Variants in COMMD10 observed in about 807,000 individuals in gnomAD.
COMMD10 encodes the protein COMM domain-containing protein 10.
A neutral mutation model predicts 28.9 loss-of-function variants in COMMD10; 33 were observed. That is an observed-to-expected ratio of 1.14 (90% CI 0.87 to 1.53). COMMD10 has a LOEUF of 1.53. COMMD10 is among the 40% of genes most tolerant of loss of function. The probability of loss-of-function intolerance (pLI) is 0.00; values close to 1 mark genes in which losing one functional copy is unlikely to be tolerated. For missense variants in COMMD10, 310 were observed against 233.4 expected, an observed-to-expected ratio of 1.33 and a Z score of -2.14; for synonymous variants, 110 against 81.7, an observed-to-expected ratio of 1.35 and a Z score of -1.87.
At chr5:116,268,376 A>G (rs1251463862) in intron 5 of COMMD10, among the ~76,000 whole-genome samples, 2 of 151,954 alleles carry the variant, frequency 1.3e-5, no homozygotes, top group Non-Finnish European at 2.9e-5. Flanking sequence ...GCCATCAGAC[A>G]AATGCAAATC....
At chr5:116,134,649 G>T (rs970599760) in intron 5 of COMMD10, among the ~76,000 whole-genome samples, 1 of 152,166 alleles carries the variant, frequency 6.6e-6, no homozygotes, top group East Asian at 1.9e-4. Flanking sequence ...TTGAGACGGT[G>T]TCTTGCTGTC....
rs77982389 is a variant in COMMD10, at chr5:116,177,074, G to A, written c.510+42896G>A. 6.9e-3 allele frequency among the ~76,000 whole-genome samples: 1,046 copies of A among 152,198 alleles called. 2 individuals are homozygous for A. Among genetic ancestry groups the A allele is most frequent in the East Asian group, 0.012 (63 of 5,162 alleles). On this transcript the variant is annotated intron_variant, in intron 5 of 6. Coordinates refer to ENST00000274458, the MANE Select transcript of COMMD10 (RefSeq NM_016144.4). The stretch of plus-strand genomic sequence containing the variant: ...TGCAGTCAAGCTGAGGCTCCTGGAT[G>A]GGCTTGCAAAGGTAGTCACAGTGCC...
chr5:116,184,867 G>A (rs950333759), intron 5 of COMMD10, among the ~76,000 whole-genome samples: 2 of 151,982 alleles, frequency 1.3e-5, no homozygotes, highest in African/African-American at 4.8e-5. Context: ...ATCGATTTTG[G>A]GGCTTTTAAA....
At chr5:116,114,018 G>A (rs1428164967) in intron 4 of COMMD10, among the ~76,000 whole-genome samples, 2 of 151,942 alleles carry the variant, frequency 1.3e-5, no homozygotes, top group Admixed American at 6.6e-5. Context: ...GCGCATTGGT[G>A]AATACTTTAT....
rs541613411 is a variant in COMMD10 at position 116,123,605 on chromosome 5, C to T, written c.400-10463C>T. ...TCATAAAATGAGTTAGGGAGGATTC[C>T]CTCTTTTTCTGTTGTTTGGAATAGT... On this transcript the variant is annotated intron_variant, in intron 4 of 6. Coordinates refer to ENST00000274458, the MANE Select transcript of COMMD10 (RefSeq NM_016144.4). 1.4e-4 allele frequency among the ~76,000 whole-genome samples: 21 copies of T among 152,136 alleles called. No homozygotes were observed. The South Asian group carries it at 4.2e-3, about 30-fold the overall frequency.
chr5:116,279,264 C>T (rs1751002205), intron 5 of COMMD10, among the ~76,000 whole-genome samples: 1 of 151,794 alleles, frequency 6.6e-6, no homozygotes, highest in African/African-American at 2.4e-5. Context: ...GTCTTGAATG[C>T]TATGCTAACA....
At chr5:116,119,320 G>T (rs1489315004) in intron 4 of COMMD10, among the ~76,000 whole-genome samples, 1 of 152,172 alleles carries the variant, frequency 6.6e-6, no homozygotes, top group African/African-American at 2.4e-5. Flanking sequence ...AATTGTGTTT[G>T]TAATAAGGCA....
intron 5 of COMMD10, among the ~76,000 whole-genome samples, chr5:116,246,108 C>T (rs1311716117): frequency 6.6e-6 from 1 of 152,144 alleles, no homozygotes; most frequent in Non-Finnish European, 1.5e-5. Context: ...CCAAAAGCTT[C>T]TTAAGCTGAT....
intron 5 of COMMD10, among the ~76,000 whole-genome samples, chr5:116,279,873 G>A (rs1052125287): frequency 6.6e-6 from 1 of 151,600 alleles, no homozygotes; most frequent in African/African-American, 2.4e-5. Flanking sequence ...CACCCCATCC[G>A]CTATATTTAT....
intron 5 of COMMD10, among the ~76,000 whole-genome samples, chr5:116,233,433 G>T (rs545912228): frequency 2.0e-5 from 3 of 152,130 alleles, no homozygotes; most frequent in Non-Finnish European, 2.9e-5. Flanking sequence ...CACAGATAAG[G>T]GGGAACTATA....
chr5:116,239,971 C>T (rs763689847), intron 5 of COMMD10, among the ~76,000 whole-genome samples: 4 of 152,006 alleles, frequency 2.6e-5, no homozygotes, highest in East Asian at 3.9e-4. Context: ...CCAGAATGGC[C>T]GGTGGTAGTC....
intron 6 of COMMD10, among the ~76,000 whole-genome samples, chr5:116,292,149 T>TA (rs922052040): frequency 3.5e-4 from 52 of 148,540 alleles, no homozygotes; most frequent in Middle Eastern, 3.4e-3. Flanking sequence ...CATGTCTCAT[T>TA]AAAAAAAAAA....
chr5:116,205,273 C>G (rs1480418626), intron 5 of COMMD10, among the ~76,000 whole-genome samples: 1 of 152,002 alleles, frequency 6.6e-6, no homozygotes, highest in Non-Finnish European at 1.5e-5. Context: ...ATTTTTCTGA[C>G]CATTATACGA....
chr5:116,227,536 A>C (rs914546311), intron 5 of COMMD10, among the ~76,000 whole-genome samples: 1 of 152,034 alleles, frequency 6.6e-6, no homozygotes, highest in African/African-American at 2.4e-5. Context: ...TTCCACATTT[A>C]TGTTTTGTCT....
chr5:116,248,258 G>T (rs1022152925), intron 5 of COMMD10, among the ~76,000 whole-genome samples: 8 of 151,922 alleles, frequency 5.3e-5, no homozygotes, highest in Admixed American at 1.3e-4. Flanking sequence ...ATTTAGGAGT[G>T]CATAAATTGA....
intron 5 of COMMD10, among the ~76,000 whole-genome samples, chr5:116,191,676 C>T (rs939529481): frequency 1.3e-5 from 2 of 151,834 alleles, no homozygotes; most frequent in African/African-American, 2.4e-5. Flanking sequence ...ATACCTAGCC[C>T]TGCCCCCACT....
intron 5 of COMMD10, among the ~76,000 whole-genome samples, chr5:116,241,223 T>C (rs1749799335): frequency 6.6e-6 from 1 of 152,204 alleles, no homozygotes; most frequent in African/African-American, 2.4e-5. Flanking sequence ...TTCCTTATAA[T>C]ATTGAAAATT....
At chr5:116,224,480 A>G (rs1332381170) in intron 5 of COMMD10, among the ~76,000 whole-genome samples, 1 of 152,192 alleles carries the variant, frequency 6.6e-6, no homozygotes, top group East Asian at 1.9e-4. Flanking sequence ...GCTTCTGGTA[A>G]GGCCTCAGGA....
chr5:116,140,447 C>G lies in COMMD10; in HGVS notation c.510+6269C>G, dbSNP rs1752163900. Among the ~76,000 whole-genome samples the G allele has an allele frequency of 3.3e-5, 5 of 151,570 alleles. No individual in the cohort carries two copies. The Admixed American group carries it at 3.3e-4, about 10-fold the overall frequency. On this transcript the variant is annotated intron_variant, in intron 5 of 6. Transcript: ENST00000274458. The stretch of plus-strand genomic sequence containing the variant: ...TGGATTCATCTTCTTTGAATATATA[C>G]CAAGCAGGAGATTCCTGGTAGTTCT...
Sources: allele counts gnomAD v4.1 joint callset (sites outside exome capture counted in the v4.1 genomes callset), GRCh38; gene constraint gnomAD v4.1.1; transcripts MANE v1.5; gene names NCBI Gene and HGNC (gene_info 2026-07-23, HGNC 2026-07-21).